PDE1B: variants seen among roughly 807,000 people sequenced by gnomAD.
PDE1B encodes dual specificity calcium/calmodulin-dependent 3',5'-cyclic nucleotide phosphodiesterase 1B.
A neutral mutation model predicts 66.7 loss-of-function variants in PDE1B; 13 were observed. The ratio of observed to expected loss-of-function variants is 0.19; its 90% CI spans 0.13 to 0.31. PDE1B has a LOEUF of 0.31. PDE1B is among the 10% of genes least tolerant of loss of function. PDE1B has a pLI of 1.00. For missense variants in PDE1B, 485 were observed against 682.3 expected (o/e 0.71, Z 3.22); for synonymous variants, 230 against 253.9 (o/e 0.91, Z 0.90).
rs1565707165 is a variant in PDE1B, at chr12:54,576,609, G to A, written c.1415G>A (p.Gly472Glu). The A allele has an allele frequency of 1.2e-6, 2 of 1,614,070 alleles. No individual in the cohort carries two copies. Among genetic ancestry groups the A allele is most frequent in the East Asian group, 4.5e-5 (2 of 44,870 alleles). Residue 472 changes from glycine to glutamate, a missense_variant, in exon 14 of 16, where the codon GGA (glycine) becomes GAA (glutamate). Gly to Glu is a moderately conservative substitution (Grantham distance 98). This residue lies in a region of PDE1B where 126 missense variants were observed against 133.8 expected (regional missense o/e 0.94). Coordinates refer to ENST00000243052, the MANE Select transcript of PDE1B (RefSeq NM_000924.4). ...CAGCCCTCTCTGGATGTGGAAGTGGGAGACCCCAACCCTGATGTGGTCAGC... is the reference window on the plus strand; with the variant it reads ...CAGCCCTCTCTGGATGTGGAAGTGGAAGACCCCAACCCTGATGTGGTCAGC... Reference protein sequence around the residue: ...WRQPSLDVEVGDPNPDVVSFR... With the variant: ...WRQPSLDVEVEDPNPDVVSFR...
At chr12:54,576,191 A>C in intron 13 of PDE1B, 91 bp downstream of exon 13, 1 of 828,368 alleles carries the variant, frequency 1.2e-6, no homozygotes, top group Non-Finnish European at 2.1e-6. Context: ...ACTCACAGCC[A>C]TGGTGGGGTG....
chr12:54,575,657 G>A lies in PDE1B; in HGVS notation c.1267+25G>A. 1 of 1,464,984 alleles carries A rather than the reference G, an allele frequency of 6.8e-7. No homozygotes were observed. Among genetic ancestry groups the A allele is most frequent in the Non-Finnish European group, 9.5e-7 (1 of 1,048,192 alleles). 90.7% of individuals were successfully genotyped at this position (1,464,984 alleles called of 1,614,324 possible). ...GGTGAGTGTCCTCTCCTGCAGGAAGGGGAGGACTGGGAGGGGGAAAAGATG... is the reference window on the plus strand; with the variant it reads ...GGTGAGTGTCCTCTCCTGCAGGAAGAGGAGGACTGGGAGGGGGAAAAGATG... On this transcript the variant is annotated intron_variant, in intron 12 of 15. Coordinates refer to ENST00000243052, the MANE Select transcript of PDE1B (RefSeq NM_000924.4). This position sits in a 1 kb window ranked among gnomAD's most constrained non-coding sequence, Gnocchi z 4.0.
rs1384181772 is a variant in PDE1B at position 54,572,634 on chromosome 12, G to A, written c.628G>A (p.Ala210Thr). The A allele has an allele frequency of 1.2e-6, 2 of 1,613,844 alleles. No homozygotes were observed. The highest frequency in any genetic ancestry group is 1.7e-6 in the Non-Finnish European group (2 of 1,179,840). The change falls in exon 7 of 16, where the codon GCC becomes ACC. Residue 210 changes from alanine (A) to threonine (T), a missense_variant. Physicochemically the swap from Ala to Thr is moderately conservative, Grantham distance 58. This residue lies in a region of PDE1B where 282 missense variants were observed against 453.4 expected (regional missense o/e 0.62). Transcript: ENST00000243052. ...PTVFLMSFLDALETGYGKYKN... is the reference protein window; with the variant it reads ...PTVFLMSFLDTLETGYGKYKN... The stretch of plus-strand genomic sequence containing the variant: ...TGTGTTTTTGATGAGTTTCCTGGAT[G>A]CCTTGGAGACAGGCTATGGGAAGTA...
At position 54,575,955 on chromosome 12, in the gene PDE1B, A is replaced by T. The variant is rs747709762; in HGVS notation, c.1268-37A>T. 7.2e-7 allele frequency: 1 copy of T among 1,395,220 alleles called. No homozygotes were observed. The highest frequency in any genetic ancestry group is 1.0e-6 in the Non-Finnish European group (1 of 980,984). 86.4% of individuals were successfully genotyped at this position (1,395,220 alleles called of 1,614,324 possible). A position where few individuals can be genotyped will look rare whatever the true frequency, so the allele number is the denominator to read the frequency against. On this transcript the variant is annotated intron_variant, in intron 12 of 15. Transcript: ENST00000243052. This position sits in a 1 kb window ranked among gnomAD's most constrained non-coding sequence, Gnocchi z 4.0. ...TGCTCTGCCTAGCCCTCCAGATAAT[A>T]GTAAGACATCTCTACGGCATTGCTC... is the stretch of plus-strand genomic sequence containing the variant.
intron 2 of PDE1B, among the ~76,000 whole-genome samples, chr12:54,560,719 G>A (rs1957395864): frequency 1.3e-5 from 2 of 152,204 alleles, no homozygotes. Context: ...CCCCTTCTGG[G>A]TGCCTCTTTT....
In PDE1B at chr12:54,570,228, T is replaced by A; in HGVS notation, c.478-13T>A. The A allele has an allele frequency of 6.6e-7, 1 of 1,522,570 alleles. No homozygotes were observed. Among genetic ancestry groups the A allele is most frequent in the Non-Finnish European group, 9.1e-7 (1 of 1,096,432 alleles). 94.3% of individuals were successfully genotyped at this position (1,522,570 alleles called of 1,614,324 possible). Reference sequence around the variant, plus strand: ...GCTGCTGGAAAGCCACATAATCTATTGTTTCTCCATAGAACCTGGATCTCT... The same window carrying A: ...GCTGCTGGAAAGCCACATAATCTATAGTTTCTCCATAGAACCTGGATCTCT... On this transcript the variant is annotated splice_polypyrimidine_tract_variant and intron_variant, in intron 5 of 15. Transcript: ENST00000243052.
Position 54,573,020 on chromosome 12 carries a change from G to C in PDE1B, c.736-128G>C. ...ATTTCAGGAGCTGAGAAACCTGGCTGCATTAACCAAGAGCTGGCCTGGAAG... is the reference window on the plus strand; with the variant it reads ...ATTTCAGGAGCTGAGAAACCTGGCTCCATTAACCAAGAGCTGGCCTGGAAG... On this transcript the variant is annotated intron_variant, in intron 7 of 15. Transcript: ENST00000243052. The surrounding 1 kb of genome is among the most constrained non-coding windows in gnomAD (Gnocchi z 5.2). The C allele has an allele frequency of 1.3e-6, 1 of 751,762 alleles. No homozygotes were observed. The highest frequency in any genetic ancestry group is 1.7e-5 in the South Asian group (1 of 59,908). 46.6% of individuals were successfully genotyped at this position (751,762 alleles called of 1,614,324 possible). A position where few individuals can be genotyped will look rare whatever the true frequency, so the allele number is the denominator to read the frequency against.
chr12:54,561,512 T>A, intron 2 of PDE1B: 1 of 1,421,550 alleles, frequency 7.0e-7, no homozygotes, highest in East Asian at 2.7e-5. Context: ...AAGAGGAAGT[T>A]GTCCCCTCTT....
At chr12:54,562,719 AGTGG>A in intron 2 of PDE1B, among the ~76,000 whole-genome samples, 1 of 152,214 alleles carries the variant, frequency 6.6e-6, no homozygotes, top group East Asian at 1.9e-4. Flanking sequence ...GTGTGTGTGG[AGTGG>A]GTTATTTGAC....
chr12:54,572,723 G>A lies in PDE1B; in HGVS notation c.717G>A (p.Leu239=). ...TTACCCAGACAGTCCATTGCTTCTTGCTCCGCACAGGGATGGTGGTAGGTG... is the reference window on the plus strand; with the variant it reads ...TTACCCAGACAGTCCATTGCTTCTTACTCCGCACAGGGATGGTGGTAGGTG... ...ADVTQTVHCF[L]LRTGMVHCLS... is the part of the protein sequence containing the mutation. Residue 239 remains leucine, a synonymous_variant, in exon 7 of 16, where the codon TTG becomes TTA. Coordinates refer to ENST00000243052, the MANE Select transcript of PDE1B (RefSeq NM_000924.4). The A allele has an allele frequency of 6.2e-7, 1 of 1,614,212 alleles. No homozygotes were observed. Among genetic ancestry groups the A allele is most frequent in the African/African-American group, 1.3e-5 (1 of 75,056 alleles).
In PDE1B at chr12:54,575,017, T is replaced by G. The variant is rs1592387782; in HGVS notation, c.1065-81T>G. ...AAGGAAGAAGTTATGTGATAGGGTG[T>G]GCGTGGGAAGTTAGGGAATGGTCCT... On this transcript the variant is annotated intron_variant, in intron 10 of 15. Transcript: ENST00000243052. The surrounding 1 kb of genome is among the most constrained non-coding windows in gnomAD (Gnocchi z 4.0). 2.0e-5 allele frequency: 21 copies of G among 1,063,162 alleles called. No individual in the cohort carries two copies. The highest frequency in any genetic ancestry group is 2.5e-5 in the Non-Finnish European group (18 of 714,600). The allele number at this position is 1,063,162 out of a possible 1,614,324, so 65.9% of individuals were successfully genotyped here. A position where few individuals can be genotyped will look rare whatever the true frequency, so the allele number is the denominator to read the frequency against.
Position 54,576,312 on chromosome 12 carries a change from T to G in PDE1B, c.1376+212T>G. The G allele has an allele frequency of 1.8e-5, 11 of 604,920 alleles. No homozygotes were observed. The South Asian group carries it at 2.2e-4, about 12-fold the overall frequency. 37.5% of individuals were successfully genotyped at this position (604,920 alleles called of 1,614,324 possible). Reference sequence around the variant, plus strand: ...ATGCTCCCCTTCACCATATTTTTGTTTCTTCCATTAGCTGTCTTTCTGCCT... The same window carrying G: ...ATGCTCCCCTTCACCATATTTTTGTGTCTTCCATTAGCTGTCTTTCTGCCT... On this transcript the variant is annotated intron_variant, in intron 13 of 15. Coordinates refer to ENST00000243052, the MANE Select transcript of PDE1B (RefSeq NM_000924.4).
chr12:54,564,659 AAGCAGATCCCTGTCC>A (rs1389406037), intron 2 of PDE1B, among the ~76,000 whole-genome samples: 2 of 152,034 alleles, frequency 1.3e-5, no homozygotes, highest in Admixed American at 6.5e-5. Flanking sequence ...AAAAACAAAA[AAGCAGATCCCTGTCC>A]AGCAGATCCC....
At chr12:54,568,659 G>T (rs1245039414) in intron 3 of PDE1B, among the ~76,000 whole-genome samples, 1 of 152,144 alleles carries the variant, frequency 6.6e-6, no homozygotes, top group South Asian at 2.1e-4. Context: ...AGCCTGGCGT[G>T]GTGGTAGGCA....
Position 54,569,593 on chromosome 12 carries a change from C to T in PDE1B, c.458C>T (p.Ala153Val), listed in dbSNP as rs571112837. The T allele has an allele frequency of 1.1e-5, 18 of 1,612,536 alleles. No individual in the cohort carries two copies. Among genetic ancestry groups the T allele is most frequent in the East Asian group, 1.1e-4 (5 of 44,894 alleles). ...YTSVGPTYSTAVLNCLKNLDL... is the reference protein window; with the variant it reads ...YTSVGPTYSTVVLNCLKNLDL... ...TCTGTGGGCCCCACTTACTCTACTG[C>T]GGTTCTCAACTGTCTCAAGGTAATC... The change falls in exon 5 of 16, where the codon GCG (alanine) becomes GTG (valine). Residue 153 changes from alanine (A) to valine (V), a missense_variant. Coordinates refer to ENST00000243052, the MANE Select transcript of PDE1B (RefSeq NM_000924.4). The surrounding 1 kb of genome is among the most constrained non-coding windows in gnomAD (Gnocchi z 4.4).
At chr12:54,554,941 G>T (rs71455283) in intron 2 of PDE1B, among the ~76,000 whole-genome samples, 1 of 152,138 alleles carries the variant, frequency 6.6e-6, no homozygotes, top group African/African-American at 2.4e-5. Flanking sequence ...GCTGGGATGA[G>T]GGAGACAAAG....
At position 54,576,281 on chromosome 12, in the gene PDE1B, G is replaced by A. The variant is rs1957743579; in HGVS notation, c.1376+181G>A. ...GGATGGGATCAGAAGGGTGTGACCT[G>A]TACCTATGCTCCCCTTCACCATATT... On this transcript the variant is annotated intron_variant, in intron 13 of 15. Coordinates refer to ENST00000243052, the MANE Select transcript of PDE1B (RefSeq NM_000924.4). The A allele has an allele frequency of 6.5e-6, 4 of 611,336 alleles. No homozygotes were observed. The Admixed American group carries it at 8.4e-5, about 13-fold the overall frequency. The allele number at this position is 611,336 out of a possible 1,614,324, so 37.9% of individuals were successfully genotyped here.
intron 2 of PDE1B, among the ~76,000 whole-genome samples, chr12:54,551,093 T>A (rs1031495999): frequency 6.6e-6 from 1 of 152,174 alleles, no homozygotes; most frequent in African/African-American, 2.4e-5. Flanking sequence ...TGAACCCAGT[T>A]CCTCCTCAAT....
chr12:54,573,622 T>G lies in PDE1B; in HGVS notation c.977T>G (p.Leu326Arg). The G allele has an allele frequency of 6.2e-7, 1 of 1,614,034 alleles. No individual in the cohort carries two copies. Among genetic ancestry groups the G allele is most frequent in the Non-Finnish European group, 8.5e-7 (1 of 1,179,930 alleles). Residue 326 changes from leucine to arginine, a missense_variant, in exon 10 of 16, where the codon CTG becomes CGG. Leu to Arg is a moderately radical substitution (Grantham distance 102, BLOSUM62 -2). Coordinates refer to ENST00000243052, the MANE Select transcript of PDE1B (RefSeq NM_000924.4). This position sits in a 1 kb window ranked among gnomAD's most constrained non-coding sequence, Gnocchi z 5.2. ...TGTCCGCTCAGAGAACTCCGAGCCCTGGTCATTGAGATGGTGTTGGCCACA... is the reference window on the plus strand; with the variant it reads ...TGTCCGCTCAGAGAACTCCGAGCCCGGGTCATTGAGATGGTGTTGGCCACA... ...TKDEFVELRA[L>R]VIEMVLATDM...
Sources: gnomAD v4.1 joint callset for allele counts (sites outside exome capture counted in the v4.1 genomes callset) on GRCh38, gnomAD v4.1.1 for gene constraint, gnomAD v4.1.1 regional missense constraint, Gnocchi (gnomAD v3.1) non-coding constraint, MANE v1.5 for transcripts, NCBI Gene and HGNC (gene_info 2026-07-23, HGNC 2026-07-21) for gene names.